Variants in SLC14A2 observed in about 807,000 individuals in gnomAD.
SLC14A2 encodes urea transporter 2.
Under a neutral mutation model 104.6 loss-of-function variants are expected in SLC14A2, and 91 were observed. The ratio of observed to expected loss-of-function variants is 0.87; its 90% CI spans 0.73 to 1.04. The LOEUF (loss-of-function observed/expected upper bound fraction) is 1.04, where lower values mean the gene tolerates loss of function less well. Among genes scored for constraint, SLC14A2 ranks in the 50% least tolerant of loss-of-function variants. The probability of loss-of-function intolerance (pLI) is 0.00; values close to 1 mark genes in which losing one functional copy is unlikely to be tolerated. For missense variants in SLC14A2, 1,189 were observed against 1,156.0 expected, an observed-to-expected ratio of 1.03 and a Z score of -0.41; for synonymous variants, 476 against 466.4, an observed-to-expected ratio of 1.02 and a Z score of -0.27.
At position 45,495,322 on chromosome 18, in the gene SLC14A2, A is replaced by G. The variant is rs117831741; in HGVS notation, c.-35+12000A>G. 7.7e-3 allele frequency among the ~76,000 whole-genome samples: 1,167 copies of G among 152,320 alleles called. 7 individuals are homozygous for G. The highest frequency in any genetic ancestry group is 0.011 in the Non-Finnish European group (767 of 68,032). On this transcript the variant is annotated intron_variant, in intron 2 of 20. Coordinates refer to the SLC14A2 transcript ENST00000586448. ...GGAAATAAAAACAAAACAAAATCAA[A>G]CAAGAAACAAACAAAATACAATGGC...
At chr18:45,413,915 T>C (rs889660266) in intron 1 of SLC14A2, among the ~76,000 whole-genome samples, 1 of 152,090 alleles carries the variant, frequency 6.6e-6, no homozygotes, top group African/African-American at 2.4e-5. Flanking sequence ...GTAAATATTA[T>C]GTGAGTGAAA....
intron 1 of SLC14A2, among the ~76,000 whole-genome samples, chr18:45,404,808 A>G (rs1396145970): frequency 2.0e-5 from 3 of 152,216 alleles, no homozygotes; most frequent in Non-Finnish European, 2.9e-5. Context: ...GTGTGGAGAA[A>G]GTACAACTGG....
At chr18:45,300,232 A>G (rs1284304902) in intron 1 of SLC14A2, among the ~76,000 whole-genome samples, 2 of 152,102 alleles carry the variant, frequency 1.3e-5, no homozygotes, top group East Asian at 1.9e-4. Context: ...GCAGGCTCCT[A>G]TGTGTTGTAT....
chr18:45,198,386 G>A, the SLC14A2 span, among the ~76,000 whole-genome samples: 1 of 151,882 alleles, frequency 6.6e-6, no homozygotes, highest in Non-Finnish European at 1.5e-5. Context: ...GATTCTTTCA[G>A]TCTATTTAAA....
intron 1 of SLC14A2, among the ~76,000 whole-genome samples, chr18:45,377,340 T>C (rs1259949761): frequency 1.3e-5 from 2 of 152,102 alleles, no homozygotes; most frequent in Non-Finnish European, 2.9e-5. Flanking sequence ...CTCAATCCCT[T>C]GATGGTTAAA....
upstream of SLC14A2, among the ~76,000 whole-genome samples, chr18:45,611,932 T>C (rs2044979054): frequency 6.6e-6 from 1 of 152,224 alleles, no homozygotes; most frequent in East Asian, 1.9e-4. Context: ...CTTCAAACAG[T>C]ACAGAATTTG....
intron 1 of SLC14A2, among the ~76,000 whole-genome samples, chr18:45,441,592 T>C (rs1261427671): frequency 6.6e-6 from 1 of 152,220 alleles, no homozygotes; most frequent in East Asian, 1.9e-4. Flanking sequence ...GTTCAACTTT[T>C]CTCTGTGTTT....
At chr18:45,355,259 T>TA (rs1329341921) in intron 1 of SLC14A2, among the ~76,000 whole-genome samples, 1 of 152,134 alleles carries the variant, frequency 6.6e-6, no homozygotes, top group African/African-American at 2.4e-5. Flanking sequence ...CTAATAGAGA[T>TA]ATATCTCTAA....
intron 2 of SLC14A2, among the ~76,000 whole-genome samples, chr18:45,545,127 G>A (rs1364946256): frequency 1.3e-5 from 2 of 152,154 alleles, no homozygotes; most frequent in East Asian, 1.9e-4. Context: ...GTGATAATTT[G>A]TTATATTATG....
chr18:45,600,624 G>A lies in SLC14A2; in HGVS notation c.-34-24007G>A, dbSNP rs188179221. ...CACCTCTGCACAGAGAGCAGCAGCA[G>A]TCACTGGGTAGGGGGCAATGAGGAA... is the stretch of plus-strand genomic sequence containing the variant. On this transcript the variant is annotated intron_variant, in intron 2 of 20. Transcript: ENST00000586448. 1.1e-3 allele frequency among the ~76,000 whole-genome samples: 170 copies of A among 152,278 alleles called. 2 individuals are homozygous for A. The highest frequency in any genetic ancestry group is 3.9e-3 in the African/African-American group (162 of 41,556).
intron 1 of SLC14A2, among the ~76,000 whole-genome samples, chr18:45,294,311 A>G (rs927547113): frequency 1.3e-5 from 2 of 152,186 alleles, no homozygotes; most frequent in African/African-American, 4.8e-5. Flanking sequence ...AAACTAATTT[A>G]TTTACTTCTC....
At position 45,226,207 on chromosome 18, in the gene SLC14A2, T is replaced by C. The variant is rs555726642; in HGVS notation, c.-125+13016T>C. On this transcript the variant is annotated intron_variant, in intron 1 of 20. Coordinates refer to the SLC14A2 transcript ENST00000586448. ...AGGATGTGGAGAAATAGGAACACTT[T>C]TACACTGTTGGTGGGACTGTAAACT... Among the ~76,000 whole-genome samples, 697 of 152,256 alleles carry C rather than the reference T, an allele frequency of 4.6e-3. 9 individuals are homozygous for C. Among genetic ancestry groups the C allele is most frequent in the African/African-American group, 0.016 (661 of 41,540 alleles).
At chr18:45,411,072 A>T (rs2086209930) in intron 1 of SLC14A2, among the ~76,000 whole-genome samples, 1 of 152,232 alleles carries the variant, frequency 6.6e-6, no homozygotes. Context: ...CAATGATGTG[A>T]TAAGAAGCTT....
chr18:45,433,783 G>C lies in SLC14A2; in HGVS notation c.-124-49450G>C, dbSNP rs1053537871. On this transcript the variant is annotated intron_variant, in intron 1 of 20. Transcript: ENST00000586448. The stretch of plus-strand genomic sequence containing the variant: ...AGCACTCATTATTGATGAGACCAAG[G>C]CTAGGGAATGGGTATGGAGATCCTG... Among the ~76,000 whole-genome samples the C allele has an allele frequency of 2.0e-5, 3 of 152,276 alleles. No homozygotes were observed. In the East Asian group the frequency reaches 5.8e-4, roughly 29 times the overall value.
chr18:45,439,073 G>A (rs2086642268), intron 1 of SLC14A2, among the ~76,000 whole-genome samples: 1 of 152,104 alleles, frequency 6.6e-6, no homozygotes, highest in African/African-American at 2.4e-5. Flanking sequence ...TCACTTGAGG[G>A]CCGGAGTTGG....
At chr18:45,637,241 C>A in intron 6 of SLC14A2, 59 bp downstream of exon 6, 4 of 1,411,412 alleles carry the variant, frequency 2.8e-6, no homozygotes, top group South Asian at 1.3e-5. Context: ...ACCTTCTCGC[C>A]AACCAATTTG....
intron 2 of SLC14A2, among the ~76,000 whole-genome samples, chr18:45,510,838 T>G (rs1279417771): frequency 6.6e-6 from 1 of 152,222 alleles, no homozygotes; most frequent in Non-Finnish European, 1.5e-5. Context: ...CTCACCTCAC[T>G]TTGCATTCAG....
chr18:45,322,676 C>T (rs191067901), intron 1 of SLC14A2, among the ~76,000 whole-genome samples: 34 of 152,330 alleles, frequency 2.2e-4, no homozygotes, highest in Admixed American at 7.2e-4. Context: ...GTGTTGAACT[C>T]TCATGAGGTA....
intron 1 of SLC14A2, among the ~76,000 whole-genome samples, chr18:45,240,987 C>A (rs1433858247): frequency 6.6e-6 from 1 of 152,174 alleles, no homozygotes; most frequent in Admixed American, 6.5e-5. Context: ...TAACACTAAG[C>A]TTCAACCCAG....
Sources: gnomAD v4.1 joint callset for allele counts (sites outside exome capture counted in the v4.1 genomes callset) on GRCh38, gnomAD v4.1.1 for gene constraint, MANE v1.5 for transcripts, NCBI Gene and HGNC (gene_info 2026-07-23, HGNC 2026-07-21) for gene names.